The following NDC80 variants were observed in gnomAD, a reference collection of about 807,000 sequenced individuals.
NDC80 encodes the protein kinetochore protein NDC80 homolog.
A neutral mutation model predicts 89.3 loss-of-function variants in NDC80; 69 were observed. That is an observed-to-expected ratio of 0.77 (90% CI 0.64 to 0.94). NDC80 has a LOEUF of 0.94. Ranked by LOEUF, NDC80 falls within the 40% of genes least tolerant of loss-of-function variation. The probability of loss-of-function intolerance (pLI) is 0.00; values close to 1 mark genes in which losing one functional copy is unlikely to be tolerated. For synonymous variants in NDC80, 243 were observed against 255.6 expected (o/e 0.95, Z 0.47); for missense variants, 593 against 739.6 (o/e 0.80, Z 2.30).
At chr18:2,603,507 G>A (rs1178262200) in intron 13 of NDC80, among the ~76,000 whole-genome samples, 1 of 151,244 alleles carries the variant, frequency 6.6e-6, no homozygotes, top group Non-Finnish European at 1.5e-5. Flanking sequence ...GTTAAGATGG[G>A]ATGGGGTAAA....
intron 6 of NDC80, 49 bp downstream of exon 6, chr18:2,579,078 C>T (rs761394509): frequency 7.8e-6 from 9 of 1,159,994 alleles, no homozygotes; most frequent in Non-Finnish European, 1.1e-5. Flanking sequence ...GGGTTTTTTT[C>T]CTCAAAAAAA....
At chr18:2,579,576 C>T (rs2072565814) in intron 6 of NDC80, among the ~76,000 whole-genome samples, 1 of 151,970 alleles carries the variant, frequency 6.6e-6, no homozygotes, top group Admixed American at 6.6e-5. Context: ...TACAGGCATG[C>T]ACCACCATGC....
In NDC80 at chr18:2,573,078, C is replaced by A; in HGVS notation, c.93C>A (p.Thr31=). The A allele has an allele frequency of 6.2e-7, 1 of 1,611,126 alleles. No homozygotes were observed. Among genetic ancestry groups the A allele is most frequent in the Non-Finnish European group, 8.5e-7 (1 of 1,178,438 alleles). Residue 31 remains threonine (T), a synonymous_variant, in exon 2 of 17, where the codon ACC becomes ACA. Coordinates refer to ENST00000261597, the MANE Select transcript of NDC80 (RefSeq NM_006101.3). The stretch of plus-strand genomic sequence containing the variant: ...ATGTAAATAAACAAGGCCTCTATAC[C>A]CCTCAAACGTGAGTATTTCCCTTGT... ...SQDVNKQGLY[T]PQTKEKPTFG...
intron 8 of NDC80, 26 bp downstream of exon 8, chr18:2,587,949 T>C (rs1274327444): frequency 2.5e-6 from 4 of 1,587,504 alleles, no homozygotes; most frequent in Non-Finnish European, 2.6e-6. Flanking sequence ...CTTAGGGTGC[T>C]TGCTTTTGGT....
At chr18:2,593,038 G>C (rs1227315464) in intron 10 of NDC80, among the ~76,000 whole-genome samples, 71 of 127,348 alleles carry the variant, frequency 5.6e-4, no homozygotes, top group African/African-American at 2.3e-3. Flanking sequence ...GTGTGTGTGT[G>C]TGTGTGTGTG....
chr18:2,574,907 G>C, intron 2 of NDC80, 82 bp from the exon 3 acceptor site: 1 of 853,436 alleles, frequency 1.2e-6, no homozygotes, highest in Non-Finnish European at 1.8e-6. Flanking sequence ...GGGAAGAGTT[G>C]TTGGTTCTAA....
chr18:2,606,748 A>G (rs1372931341), intron 14 of NDC80, among the ~76,000 whole-genome samples: 1 of 151,322 alleles, frequency 6.6e-6, no homozygotes, highest in East Asian at 1.9e-4. Flanking sequence ...CTTTTCCTTT[A>G]TCTGGTATTT....
intron 3 of NDC80, among the ~76,000 whole-genome samples, chr18:2,576,476 C>T (rs2072546967): frequency 6.6e-6 from 1 of 152,162 alleles, no homozygotes; most frequent in African/African-American, 2.4e-5. Context: ...ATGTTACCAG[C>T]CTCTGGAAAA....
intron 6 of NDC80, among the ~76,000 whole-genome samples, chr18:2,579,584 T>C (rs1487621551): frequency 2.0e-5 from 3 of 152,066 alleles, no homozygotes; most frequent in Non-Finnish European, 4.4e-5. Flanking sequence ...TGCACCACCA[T>C]GCCTGGCTAA....
chr18:2,612,596 C>T (rs745718379), intron 16 of NDC80, among the ~76,000 whole-genome samples: 4 of 152,050 alleles, frequency 2.6e-5, no homozygotes, highest in Non-Finnish European at 5.9e-5. Flanking sequence ...CAGTGATTTT[C>T]TATTATCTGC....
At chr18:2,577,948 G>C in intron 4 of NDC80, 21 bp from the exon 5 acceptor site, 1 of 1,609,850 alleles carries the variant, frequency 6.2e-7, no homozygotes, top group Non-Finnish European at 8.5e-7. Flanking sequence ...AACGTTTGGT[G>C]GTTCATAAAA....
At chr18:2,611,006 C>A in intron 16 of NDC80, 145 bp downstream of exon 16, 1 of 396,672 alleles carries the variant, frequency 2.5e-6, no homozygotes, top group Non-Finnish European at 4.3e-6. Context: ...AGAATCTTGT[C>A]TAGTGATGTG....
At chr18:2,589,899 G>T in intron 9 of NDC80, 119 bp from the exon 10 acceptor site, 295 of 553,038 alleles carry the variant, frequency 5.3e-4, no homozygotes, top group East Asian at 1.1e-3. Flanking sequence ...CTCTAAAAAT[G>T]AAAGGAAAAC....
At chr18:2,587,525 TA>T (rs1262596575) in intron 7 of NDC80, among the ~76,000 whole-genome samples, 4 of 152,222 alleles carry the variant, frequency 2.6e-5, no homozygotes, top group Non-Finnish European at 4.4e-5. Flanking sequence ...TTACATTTAT[TA>T]ATAAGCTTCC....
chr18:2,587,771 G>C (rs2072609347), intron 7 of NDC80, 59 bp from the exon 8 acceptor site: 1 of 1,360,264 alleles, frequency 7.4e-7, no homozygotes, highest in African/African-American at 1.4e-5. Context: ...ACCTAGAAAA[G>C]TGAAACAGAC....
intron 16 of NDC80, 21 bp downstream of exon 16, chr18:2,610,882 C>A: frequency 7.2e-7 from 1 of 1,381,926 alleles, no homozygotes; most frequent in South Asian, 1.6e-5. Flanking sequence ...GATGGTCTTT[C>A]CTACGTTCTA....
At chr18:2,595,032 A>C (rs1598240947) in intron 10 of NDC80, 2 of 152,396 alleles carry the variant, frequency 1.3e-5, no homozygotes, top group African/African-American at 4.8e-5. Flanking sequence ...TCTTAATGGC[A>C]GTCATTATTT....
chr18:2,604,920 C>G (rs1325434970), intron 13 of NDC80, among the ~76,000 whole-genome samples: 4 of 152,094 alleles, frequency 2.6e-5, no homozygotes, highest in Non-Finnish European at 5.9e-5. Flanking sequence ...ATGAGAGGTG[C>G]ATGAGACGAG....
rs1019308190 is a variant in NDC80, at chr18:2,589,325, T to G, written c.870+15T>G. 3.2e-6 allele frequency: 5 copies of G among 1,550,652 alleles called. No homozygotes were observed. Among genetic ancestry groups the G allele is most frequent in the Non-Finnish European group, 4.4e-6 (5 of 1,123,882 alleles). ...AAAAAGAACCGGTTAGTAAACATGT[T>G]TACACACTTACTTGAGAGCTCTTTT... On this transcript the variant is annotated intron_variant, in intron 9 of 16. Transcript: ENST00000261597.
Sources: allele counts gnomAD v4.1 joint callset (sites outside exome capture counted in the v4.1 genomes callset), GRCh38; gene constraint gnomAD v4.1.1; transcripts MANE v1.5; gene names NCBI Gene and HGNC (gene_info 2026-07-23, HGNC 2026-07-21).